SPATA24: variants seen among roughly 807,000 people sequenced by gnomAD.
SPATA24 encodes the protein spermatogenesis-associated protein 24.
In SPATA24, 21 loss-of-function variants were observed where a neutral mutation model predicts 28.9. The ratio of observed to expected loss-of-function variants is 0.73; its 90% CI spans 0.52 to 1.05. SPATA24 has a LOEUF of 1.05. SPATA24 is among the 50% of genes least tolerant of loss of function. The pLI, the probability that SPATA24 is intolerant of heterozygous loss-of-function variation, is 0.00. For missense variants in SPATA24, 215 were observed against 242.9 expected, an observed-to-expected ratio of 0.88 and a Z score of 0.76; for synonymous variants, 76 against 89.9, an observed-to-expected ratio of 0.85 and a Z score of 0.88.
chr5:139,392,978 A>C, downstream of SPATA24: 1 of 1,506,188 alleles, frequency 6.6e-7, no homozygotes, highest in Non-Finnish European at 8.9e-7. This position sits in a 1 kb window ranked among gnomAD's most constrained non-coding sequence, Gnocchi z 5.8. Flanking sequence ...ACCGTGTCGA[A>C]GGACGGTTCA....
rs939795210 is a variant in SPATA24 at position 139,404,033 on chromosome 5, C to T, written c.28G>A (p.Ala10Thr). The T allele has an allele frequency of 1.7e-5, 26 of 1,551,780 alleles. No homozygotes were observed. Among genetic ancestry groups the T allele is most frequent in the Non-Finnish European group, 2.2e-5 (25 of 1,147,084 alleles). Reference sequence around the variant, plus strand: ...GCGAGACACACAGATCCTGACCCCGCCTTCGACCACCCGAGGGGCGTCGCC... The same window carrying T: ...GCGAGACACACAGATCCTGACCCCGTCTTCGACCACCCGAGGGGCGTCGCC... MATPLGWSK[A>T]GSGSVCLALD... The change falls in exon 1 of 6, where the codon GCG becomes ACG. Residue 10 changes from alanine (A) to threonine (T), a missense_variant. Physicochemically the swap from Ala to Thr is moderately conservative, Grantham distance 58 (BLOSUM62 0). Coordinates refer to ENST00000450845, the MANE Select transcript of SPATA24 (RefSeq NM_194296.2).
At chr5:139,393,573 C>T (rs1290392507), downstream of SPATA24, 3 of 1,551,044 alleles carry the variant, frequency 1.9e-6, no homozygotes, top group Non-Finnish European at 1.7e-6. Flanking sequence ...GAGCCTCCCA[C>T]GGGAAGAAGG....
intron 4 of SPATA24, among the ~76,000 whole-genome samples, chr5:139,400,302 C>CT (rs55789939): frequency 0.29 from 35,690 of 125,050 alleles, 6,875 homozygotes; most frequent in Non-Finnish European, 0.41. Context: ...TTCATACCTA[C>CT]TTTTTTTTTT....
In SPATA24 at chr5:139,401,915, G is replaced by T; in HGVS notation, c.314C>A (p.Ala105Glu). ...ACACCCCGTACTGAGGCCCACTCAC[G>T]CTTTTTCAAAGGCCAGCTTCTCTTT... ...LEKEKLAFEK[A>E]LSSVKSKVLQ... The change falls in exon 3 of 6, where the codon GCG becomes GAG. Residue 105 changes from alanine to glutamate, a missense_variant and splice_region_variant. Coordinates refer to ENST00000450845, the MANE Select transcript of SPATA24 (RefSeq NM_194296.2). 1 of 1,551,740 alleles carries T rather than the reference G, an allele frequency of 6.4e-7. No homozygotes were observed. The highest frequency in any genetic ancestry group is 8.7e-7 in the Non-Finnish European group (1 of 1,146,924).
chr5:139,393,934 A>G (rs1404984728), downstream of SPATA24: 3 of 1,550,684 alleles, frequency 1.9e-6, no homozygotes, highest in Non-Finnish European at 2.6e-6. Flanking sequence ...CCTACTCGGA[A>G]CCTCCGAGGG....
chr5:139,403,904 A>T, intron 1 of SPATA24, 40 bp downstream of exon 1: 1 of 1,513,798 alleles, frequency 6.6e-7, no homozygotes, highest in Non-Finnish European at 9.0e-7. Flanking sequence ...CCAGTGAGGC[A>T]TCCGGCCCCG....
intron 4 of SPATA24, among the ~76,000 whole-genome samples, chr5:139,399,341 C>T (rs1426139109): frequency 6.7e-6 from 1 of 148,314 alleles, no homozygotes; most frequent in Non-Finnish European, 1.5e-5. Flanking sequence ...AAAGGTTGGA[C>T]AAGAATTAAC....
At chr5:139,394,106 C>T, downstream of SPATA24, 2 of 1,548,362 alleles carry the variant, frequency 1.3e-6, no homozygotes, top group East Asian at 2.4e-5. Context: ...GCAGGCTTGT[C>T]GCGCCGAATC....
At chr5:139,403,116 G>C (rs1364450178) in intron 1 of SPATA24, among the ~76,000 whole-genome samples, 1 of 152,180 alleles carries the variant, frequency 6.6e-6, no homozygotes, top group Non-Finnish European at 1.5e-5. Flanking sequence ...CACATGCCAA[G>C]GTCAGCTGCC....
rs2152077855 is a variant in SPATA24 at position 139,396,918 on chromosome 5, G to A, written c.500C>T (p.Ser167Phe). The change falls in exon 6 of 6, where the codon TCT becomes TTT. Residue 167 changes from serine (S) to phenylalanine (F), a missense_variant. Coordinates refer to ENST00000450845, the MANE Select transcript of SPATA24 (RefSeq NM_194296.2). The stretch of plus-strand genomic sequence containing the variant: ...CTGCTGCTTCTGGATCCGGAAGTCA[G>A]ACATGTGATTCCTGCAACGGAGCCG... The part of the protein sequence containing the change: ...QQKQIFRNHM[S>F]DFRIQKQQES... The A allele has an allele frequency of 1.9e-6, 3 of 1,551,702 alleles. No individual in the cohort carries two copies. In the Admixed American group the frequency reaches 5.9e-5, roughly 30 times the overall value.
downstream of SPATA24, chr5:139,394,348 T>C (rs11748963): frequency 0.28 from 406,251 of 1,425,892 alleles, 61,790 homozygotes; most frequent in East Asian, 0.59. Flanking sequence ...CGCGGCGGCC[T>C]GCAGGGGGCC....
chr5:139,403,136 A>C (rs941319644), intron 1 of SPATA24, among the ~76,000 whole-genome samples: 1 of 152,148 alleles, frequency 6.6e-6, no homozygotes, highest in Non-Finnish European at 1.5e-5. Context: ...CAAGAGGAAG[A>C]CCTGGGTACC....
downstream of SPATA24, chr5:139,393,063 G>T (rs1228915323): frequency 2.6e-6 from 4 of 1,530,464 alleles, no homozygotes; most frequent in Non-Finnish European, 3.5e-6. Flanking sequence ...CCGGGGCGGG[G>T]GGCCCCAGTG....
At chr5:139,397,183 C>A in intron 4 of SPATA24, 40 bp from the exon 5 acceptor site, 2 of 1,477,858 alleles carry the variant, frequency 1.4e-6, no homozygotes, top group Non-Finnish European at 1.9e-6. Context: ...TGGTTCCCAT[C>A]CCAGGGCTCC....
rs1044571017 is a variant in SPATA24, at chr5:139,397,032, A to G, written c.488+9T>C. On this transcript the variant is annotated intron_variant, in intron 5 of 5. Coordinates refer to ENST00000450845, the MANE Select transcript of SPATA24 (RefSeq NM_194296.2). Reference sequence around the variant, plus strand: ...ATCAACAACCCCCAGCCGGGCCCAGACCCCTCACCTGAAGATCTGTTTCTG... The same window carrying G: ...ATCAACAACCCCCAGCCGGGCCCAGGCCCCTCACCTGAAGATCTGTTTCTG... 1 of 1,551,586 alleles carries G rather than the reference A, an allele frequency of 6.4e-7. No homozygotes were observed.
At chr5:139,403,157 C>G (rs1038658063) in intron 1 of SPATA24, among the ~76,000 whole-genome samples, 1 of 152,204 alleles carries the variant, frequency 6.6e-6, no homozygotes. Flanking sequence ...TTCAGGGAAT[C>G]AAAGGCAATT....
At chr5:139,394,697 G>C, downstream of SPATA24, 1 of 1,533,726 alleles carries the variant, frequency 6.5e-7, no homozygotes, top group South Asian at 1.2e-5. Flanking sequence ...TGCGCCTCGC[G>C]ATCGTCTGCG....
Position 139,404,041 on chromosome 5 carries a change from C to A in SPATA24, c.20G>T (p.Trp7Leu). The part of the protein sequence containing the change: MATPLG[W>L]SKAGSGSVCL... ...CACAGATCCTGACCCCGCCTTCGAC[C>A]ACCCGAGGGGCGTCGCCATCTTCCG... Residue 7 changes from tryptophan (W) to leucine (L), a missense_variant, in exon 1 of 6, where the codon TGG (tryptophan) becomes TTG (leucine). By Grantham distance (61) the Trp-to-Leu change is moderately conservative. Coordinates refer to ENST00000450845, the MANE Select transcript of SPATA24 (RefSeq NM_194296.2). 1 of 1,551,828 alleles carries A rather than the reference C, an allele frequency of 6.4e-7. No homozygotes were observed. Among genetic ancestry groups the A allele is most frequent in the Non-Finnish European group, 8.7e-7 (1 of 1,147,044 alleles).
At chr5:139,399,240 C>T (rs1758773467) in intron 4 of SPATA24, among the ~76,000 whole-genome samples, 1 of 150,912 alleles carries the variant, frequency 6.6e-6, no homozygotes, top group African/African-American at 2.4e-5. Context: ...TGACGTGAAC[C>T]TGAGAGGCGG....
Sources: allele counts gnomAD v4.1 joint callset (sites outside exome capture counted in the v4.1 genomes callset), GRCh38; gene constraint gnomAD v4.1.1; non-coding constraint Gnocchi (gnomAD v3.1); transcripts MANE v1.5; gene names NCBI Gene and HGNC (gene_info 2026-07-23, HGNC 2026-07-21).